Variants in EYS observed in about 807,000 individuals in gnomAD.
EYS encodes the protein protein eyes shut homolog.
A neutral mutation model predicts 282.1 loss-of-function variants in EYS; 250 were observed. That is an observed-to-expected ratio of 0.89 (90% CI 0.80 to 0.98). The LOEUF is 0.98. Among genes scored for constraint, EYS ranks in the 50% least tolerant of loss-of-function variants. The probability of loss-of-function intolerance (pLI) is 0.00; values close to 1 mark genes in which losing one functional copy is unlikely to be tolerated. For synonymous variants in EYS, 1,355 were observed against 1,282.9 expected (o/e 1.06, Z -1.20); for missense variants, 4,016 against 3,709.0 (o/e 1.08, Z -2.15).
In EYS at chr6:65,292,562, G is replaced by A. The variant is rs1322306138; in HGVS notation, c.2023+3301C>T. Among the ~76,000 whole-genome samples, 4 of 151,786 alleles carry A rather than the reference G, an allele frequency of 2.6e-5. No individual in the cohort carries two copies. In the East Asian group the frequency reaches 7.8e-4, roughly 29 times the overall value. On this transcript the variant is annotated intron_variant, in intron 12 of 42. Coordinates refer to ENST00000503581, the MANE Select transcript of EYS (RefSeq NM_001142800.2). ...AAGGCACCTAGAAGTTTCTCTCTTT[G>A]TATATAACTCCTTTGTATATAAAGT... is the stretch of plus-strand genomic sequence containing the variant.
intron 11 of EYS, among the ~76,000 whole-genome samples, chr6:65,309,027 T>C (rs997536124): frequency 1.3e-5 from 2 of 152,052 alleles, no homozygotes; most frequent in African/African-American, 2.4e-5. Flanking sequence ...AAAAAAGTCA[T>C]GCAGAGGTTG....
chr6:65,378,369 A>C (rs1765465669), intron 8 of EYS, among the ~76,000 whole-genome samples: 2 of 152,180 alleles, frequency 1.3e-5, no homozygotes, highest in South Asian at 4.1e-4. Flanking sequence ...GACGATCATT[A>C]AATGTCAGGA....
intron 26 of EYS, among the ~76,000 whole-genome samples, chr6:64,468,655 C>G (rs1047578746): frequency 6.6e-6 from 1 of 152,156 alleles, no homozygotes; most frequent in African/African-American, 2.4e-5. Flanking sequence ...ACCCTCCTCC[C>G]ACCCTCCACC....
chr6:63,824,660 A>G (rs1478077108), intron 36 of EYS, among the ~76,000 whole-genome samples: 1 of 152,162 alleles, frequency 6.6e-6, no homozygotes. Context: ...GTCCGTTTGC[A>G]GGAGAAGTTG....
chr6:65,654,381 A>C (rs1188004128), intron 1 of EYS, among the ~76,000 whole-genome samples: 1 of 151,840 alleles, frequency 6.6e-6, no homozygotes, highest in East Asian at 1.9e-4. Context: ...AGAGGAAAAC[A>C]CAACTCTTGG....
At chr6:65,519,141 A>G (rs1162630266) in intron 2 of EYS, among the ~76,000 whole-genome samples, 1 of 152,198 alleles carries the variant, frequency 6.6e-6, no homozygotes, top group African/African-American at 2.4e-5. Context: ...GGTAAATTGT[A>G]GCACACTATT....
At chr6:64,059,789 T>TA (rs1410472703) in intron 33 of EYS, among the ~76,000 whole-genome samples, 4 of 152,222 alleles carry the variant, frequency 2.6e-5, no homozygotes, top group Non-Finnish European at 5.9e-5. Context: ...AGCTAGTTTT[T>TA]ATGTATGCTA....
At chr6:64,095,109 G>A (rs1453897770) in intron 31 of EYS, among the ~76,000 whole-genome samples, 2 of 152,150 alleles carry the variant, frequency 1.3e-5, no homozygotes, top group African/African-American at 2.4e-5. Context: ...TTGCACTGTG[G>A]TCTGAGAGAC....
At chr6:65,445,799 C>T (rs1269953180) in intron 5 of EYS, among the ~76,000 whole-genome samples, 2 of 151,706 alleles carry the variant, frequency 1.3e-5, no homozygotes, top group African/African-American at 4.8e-5. Flanking sequence ...GTTCTCTGAA[C>T]TTCCTTTTTA....
chr6:63,735,805 T>G (rs1768897382), intron 41 of EYS, among the ~76,000 whole-genome samples: 1 of 152,030 alleles, frequency 6.6e-6, no homozygotes, highest in Non-Finnish European at 1.5e-5. Flanking sequence ...TGTCTCTTCA[T>G]ATTTCTTCAA....
chr6:64,274,477 G>A (rs1768041236), intron 30 of EYS, among the ~76,000 whole-genome samples: 2 of 94,366 alleles, frequency 2.1e-5, no homozygotes, highest in Non-Finnish European at 3.9e-5. Flanking sequence ...CACCACGCCT[G>A]GCCGTTTTTT....
chr6:64,813,569 T>A lies in EYS; in HGVS notation c.3252A>T (p.Thr1084=), dbSNP rs979236140. The A allele has an allele frequency of 1.3e-6, 2 of 1,546,396 alleles. No individual in the cohort carries two copies. The highest frequency in any genetic ancestry group is 8.7e-7 in the Non-Finnish European group (1 of 1,143,356). ...AGCCTTCATTCATACAAGGGATTGATGTGCAGTCCTAGATTAAGAAATAGA... is the reference window on the plus strand; with the variant it reads ...AGCCTTCATTCATACAAGGGATTGAAGTGCAGTCCTAGATTAAGAAATAGA... ...TQCKIKINDC[T]SIPCMNEGFC... The change falls in exon 22 of 43, where the codon ACA becomes ACT. Residue 1084 remains threonine (T), a synonymous_variant. Coordinates refer to ENST00000503581, the MANE Select transcript of EYS (RefSeq NM_001142800.2).
intron 2 of EYS, among the ~76,000 whole-genome samples, chr6:65,504,582 C>A (rs918743982): frequency 4.6e-5 from 7 of 151,312 alleles, no homozygotes; most frequent in African/African-American, 1.7e-4. Context: ...TATTTTTGGC[C>A]TTCTGAGAGT....
chr6:65,649,481 CAT>C (rs1294624116), intron 1 of EYS, among the ~76,000 whole-genome samples: 3 of 152,074 alleles, frequency 2.0e-5, no homozygotes, highest in Non-Finnish European at 4.4e-5. Context: ...CTTCATCAAA[CAT>C]ATAATCATCA....
chr6:64,946,780 A>G (rs1022787696), intron 14 of EYS, among the ~76,000 whole-genome samples: 1 of 151,978 alleles, frequency 6.6e-6, no homozygotes, highest in Non-Finnish European at 1.5e-5. Flanking sequence ...GTTAGTATTA[A>G]AAAAGGAATG....
intron 26 of EYS, among the ~76,000 whole-genome samples, chr6:64,580,973 G>C (rs1227093946): frequency 6.6e-6 from 1 of 152,118 alleles, no homozygotes; most frequent in Admixed American, 6.6e-5. Context: ...GGTAGGGAGA[G>C]AGATGAAGAT....
intron 13 of EYS, among the ~76,000 whole-genome samples, chr6:65,041,995 A>C (rs950052486): frequency 1.3e-5 from 2 of 151,670 alleles, no homozygotes; most frequent in Admixed American, 6.6e-5. Flanking sequence ...TCTGTAACAA[A>C]CAACTGACTT....
intron 22 of EYS, among the ~76,000 whole-genome samples, chr6:64,796,079 CAAAAT>C (rs1436197504): frequency 1.3e-5 from 2 of 152,122 alleles, no homozygotes; most frequent in African/African-American, 4.8e-5. Context: ...ACGCATGAAA[CAAAAT>C]AAAAACGCGT....
At chr6:64,511,800 C>A (rs528087077) in intron 26 of EYS, among the ~76,000 whole-genome samples, 9 of 145,432 alleles carry the variant, frequency 6.2e-5, no homozygotes, top group Non-Finnish European at 1.4e-4. Flanking sequence ...TGTGATTTAG[C>A]CATTAGATAC....
Sources: gnomAD v4.1 joint callset for allele counts (sites outside exome capture counted in the v4.1 genomes callset) on GRCh38, gnomAD v4.1.1 for gene constraint, MANE v1.5 for transcripts, NCBI Gene and HGNC (gene_info 2026-07-23, HGNC 2026-07-21) for gene names.